Variants in GALNT18 observed in about 807,000 individuals in gnomAD.
GALNT18 encodes the protein GalNAc-transferase 18.
Under a neutral mutation model 69.5 loss-of-function variants are expected in GALNT18, and 44 were observed. That is an observed-to-expected ratio of 0.63 (90% CI 0.50 to 0.81). The LOEUF (loss-of-function observed/expected upper bound fraction) is 0.81. Among genes scored for constraint, GALNT18 ranks in the 40% least tolerant of loss-of-function variants. GALNT18 has a pLI of 0.00. For missense variants in GALNT18, 715 were observed against 810.0 expected, an observed-to-expected ratio of 0.88 and a Z score of 1.42; for synonymous variants, 364 against 318.2, an observed-to-expected ratio of 1.14 and a Z score of -1.53.
At chr11:11,282,092 C>T (rs755814914) in intron 10 of GALNT18, among the ~76,000 whole-genome samples, 18 of 152,246 alleles carry the variant, frequency 1.2e-4, no homozygotes, top group Middle Eastern at 3.4e-3. Context: ...CTTGCTTAAA[C>T]TTTTAAAACA....
chr11:11,322,982 T>C (rs1419099654), intron 9 of GALNT18, among the ~76,000 whole-genome samples: 1 of 152,196 alleles, frequency 6.6e-6, no homozygotes, highest in African/African-American at 2.4e-5. Context: ...ACACTAATCC[T>C]ATCAGATTAG....
At chr11:11,319,608 T>C (rs1164573046) in intron 9 of GALNT18, among the ~76,000 whole-genome samples, 1 of 152,210 alleles carries the variant, frequency 6.6e-6, no homozygotes, top group African/African-American at 2.4e-5. Flanking sequence ...GCAAGAGCCC[T>C]TAGGAATTTC....
intron 9 of GALNT18, among the ~76,000 whole-genome samples, chr11:11,310,934 A>T (rs191890521): frequency 3.9e-5 from 6 of 152,312 alleles, no homozygotes; most frequent in African/African-American, 1.4e-4. Context: ...TGATATAAAC[A>T]TTATTCAGAT....
At chr11:11,550,791 A>G (rs1466877461) in intron 1 of GALNT18, among the ~76,000 whole-genome samples, 2 of 152,360 alleles carry the variant, frequency 1.3e-5, no homozygotes, top group East Asian at 1.9e-4. Flanking sequence ...AGAGCAGCTA[A>G]GTGTTAATTT....
In GALNT18 at chr11:11,541,758, C is replaced by T. The variant is rs561343135; in HGVS notation, c.235+79601G>A. 8.6e-6 allele frequency among the ~76,000 whole-genome samples: 1 copy of T among 116,112 alleles called. No homozygotes were observed. Among genetic ancestry groups the T allele is most frequent in the East Asian group, 2.6e-4 (1 of 3,850 alleles). 76.2% of individuals were successfully genotyped at this position (116,112 alleles called of 152,430 possible). On this transcript the variant is annotated intron_variant, in intron 1 of 10. Coordinates refer to ENST00000227756, the MANE Select transcript of GALNT18 (RefSeq NM_198516.3). The surrounding 1 kb of genome is among the most constrained non-coding windows in gnomAD (Gnocchi z 4.8). ...GATTCCTCCCTTCAGCCAAGCCTCC[C>T]AGAGAAAGATGCTCAGACTACCCTC...
intron 1 of GALNT18, among the ~76,000 whole-genome samples, chr11:11,574,007 A>T (rs1480820960): frequency 2.6e-5 from 4 of 152,192 alleles, no homozygotes; most frequent in South Asian, 2.1e-4. Context: ...CTGACATTCA[A>T]ATCTAGGCCC....
intron 2 of GALNT18, among the ~76,000 whole-genome samples, chr11:11,433,670 G>A (rs1257763917): frequency 6.6e-6 from 1 of 152,222 alleles, no homozygotes; most frequent in Non-Finnish European, 1.5e-5. Context: ...GATCCCATGA[G>A]AGGCCAGACG....
At chr11:11,278,432 G>A (rs1031023468) in intron 10 of GALNT18, among the ~76,000 whole-genome samples, 5 of 151,656 alleles carry the variant, frequency 3.3e-5, no homozygotes, top group Admixed American at 6.6e-5. Flanking sequence ...GTTGATGGGT[G>A]CAGCAAACCA....
At chr11:11,273,232 C>CA (rs1430244801) in intron 10 of GALNT18, among the ~76,000 whole-genome samples, 2 of 136,264 alleles carry the variant, frequency 1.5e-5, no homozygotes, top group African/African-American at 2.5e-5. Context: ...AGCTTCTGCA[C>CA]AGCAAAGGAA....
In GALNT18 at chr11:11,301,783, G is replaced by A. The variant is rs575496329; in HGVS notation, c.1513-8590C>T. The stretch of plus-strand genomic sequence containing the variant: ...CTCTCGGGTGCCAGGGCTGGCCTGG[G>A]CATTGGGAAAGCAGAGGGAAGAGCG... On this transcript the variant is annotated intron_variant, in intron 9 of 10. Coordinates refer to ENST00000227756, the MANE Select transcript of GALNT18 (RefSeq NM_198516.3). 1.1e-4 allele frequency among the ~76,000 whole-genome samples: 17 copies of A among 152,316 alleles called. No individual in the cohort carries two copies. The East Asian group carries it at 3.3e-3, about 29-fold the overall frequency.
chr11:11,450,335 G>A (rs1267567877), intron 1 of GALNT18, among the ~76,000 whole-genome samples: 1 of 152,174 alleles, frequency 6.6e-6, no homozygotes, highest in Non-Finnish European at 1.5e-5. Flanking sequence ...GAGTGCTGGG[G>A]CTATGGACTG....
At chr11:11,608,209 A>C (rs1859799571) in intron 1 of GALNT18, among the ~76,000 whole-genome samples, 1 of 152,216 alleles carries the variant, frequency 6.6e-6, no homozygotes, top group Admixed American at 6.5e-5. Flanking sequence ...TAGGTGTTAC[A>C]ACCAGAAAAT....
chr11:11,542,975 G>A lies in GALNT18; in HGVS notation c.235+78384C>T, dbSNP rs1463499301. Among the ~76,000 whole-genome samples, 1 of 152,216 alleles carries A rather than the reference G, an allele frequency of 6.6e-6. No individual in the cohort carries two copies. Among genetic ancestry groups the A allele is most frequent in the Admixed American group, 6.5e-5 (1 of 15,286 alleles). On this transcript the variant is annotated intron_variant, in intron 1 of 10. Coordinates refer to ENST00000227756, the MANE Select transcript of GALNT18 (RefSeq NM_198516.3). The surrounding 1 kb of genome is among the most constrained non-coding windows in gnomAD (Gnocchi z 4.3). ...GAGGAGCAGGGTGCATGGAACCCCT[G>A]CAGCCTTTTCTACTGTGTGGAGAAA...
At chr11:11,558,091 C>G (rs1858376024) in intron 1 of GALNT18, among the ~76,000 whole-genome samples, 1 of 152,192 alleles carries the variant, frequency 6.6e-6, no homozygotes, top group Non-Finnish European at 1.5e-5. Flanking sequence ...CCTGGATAAG[C>G]TCCCCACACA....
intron 1 of GALNT18, among the ~76,000 whole-genome samples, chr11:11,504,849 T>C (rs117097379): frequency 6.6e-6 from 1 of 152,298 alleles, no homozygotes; most frequent in East Asian, 1.9e-4. Context: ...GCCAATTATG[T>C]GCTGGGCATT....
chr11:11,452,931 T>C (rs1855837262), intron 1 of GALNT18, among the ~76,000 whole-genome samples: 1 of 152,072 alleles, frequency 6.6e-6, no homozygotes, highest in African/African-American at 2.4e-5. Flanking sequence ...GAGGCAGAGA[T>C]TGAGCAGGGC....
chr11:11,589,228 C>A (rs1318188446), intron 1 of GALNT18, among the ~76,000 whole-genome samples: 1 of 152,080 alleles, frequency 6.6e-6, no homozygotes, highest in African/African-American at 2.4e-5. Context: ...CTGCCACAGA[C>A]CAGTGAGGAA....
chr11:11,608,231 C>A (rs780174001), intron 1 of GALNT18, among the ~76,000 whole-genome samples: 11 of 152,088 alleles, frequency 7.2e-5, no homozygotes, highest in Non-Finnish European at 1.3e-4. Context: ...TATTCCTGAC[C>A]GTATTTTCTA....
At chr11:11,580,749 G>A (rs971100812) in intron 1 of GALNT18, among the ~76,000 whole-genome samples, 2 of 152,216 alleles carry the variant, frequency 1.3e-5, no homozygotes, top group Non-Finnish European at 1.5e-5. Context: ...TAGCAGGGCT[G>A]CCTCCATCCC....
Sources: gnomAD v4.1 joint callset for allele counts (sites outside exome capture counted in the v4.1 genomes callset) on GRCh38, gnomAD v4.1.1 for gene constraint, Gnocchi (gnomAD v3.1) non-coding constraint, MANE v1.5 for transcripts, NCBI Gene and HGNC (gene_info 2026-07-23, HGNC 2026-07-21) for gene names.